IL1RAPL2: variants seen among roughly 807,000 people sequenced by gnomAD.
IL1RAPL2 encodes interleukin 1 receptor accessory protein like 2, also known as X-linked interleukin-1 receptor accessory protein-like 2.
IL1RAPL2 carries 3 observed loss-of-function variants against 44.1 expected under a neutral mutation model. That is an observed-to-expected ratio of 0.07 (90% CI 0.03 to 0.18). IL1RAPL2 has a LOEUF of 0.18. Ranked by LOEUF, IL1RAPL2 falls within the 10% of genes least tolerant of loss-of-function variation. The pLI, the probability that IL1RAPL2 is intolerant of heterozygous loss-of-function variation, is 1.00. For missense variants in IL1RAPL2, 391 were observed against 496.4 expected (o/e 0.79, Z 2.02); for synonymous variants, 181 against 178.8 (o/e 1.01, Z -0.10).
At chrX:105,275,429 C>T (rs915869976) in intron 5 of IL1RAPL2, among the ~76,000 whole-genome samples, 2 of 111,732 alleles carry the variant, frequency 1.8e-5, no homozygotes, top group African/African-American at 6.5e-5. Flanking sequence ...ACTTATTTGG[C>T]ATTTAGGTTA....
intron 2 of IL1RAPL2, among the ~76,000 whole-genome samples, chrX:105,177,532 G>A (rs1333939917): frequency 5.4e-5 from 6 of 111,077 alleles, no homozygotes; most frequent in Non-Finnish European, 9.4e-5. Context: ...AGTCTCTGGT[G>A]CCAAAAATTG....
intron 6 of IL1RAPL2, among the ~76,000 whole-genome samples, chrX:105,490,059 C>T (rs1480465522): frequency 9.0e-6 from 1 of 110,929 alleles, no homozygotes; most frequent in East Asian, 2.8e-4. Context: ...AACTCCTGAA[C>T]TCAGGTGATC....
At chrX:105,521,981 T>C (rs1398805653) in intron 6 of IL1RAPL2, among the ~76,000 whole-genome samples, 1 of 112,174 alleles carries the variant, frequency 8.9e-6, no homozygotes, top group Non-Finnish European at 1.9e-5. Flanking sequence ...CAATTCCATA[T>C]ATATTATTTT....
At chrX:105,162,937 G>T (rs2033339487) in intron 2 of IL1RAPL2, among the ~76,000 whole-genome samples, 1 of 111,343 alleles carries the variant, frequency 9.0e-6, no homozygotes, top group South Asian at 3.8e-4. Flanking sequence ...ATTCCATCAT[G>T]TTGGGAGTTA....
intron 2 of IL1RAPL2, among the ~76,000 whole-genome samples, chrX:105,109,619 A>G (rs779687852): frequency 1.8e-5 from 2 of 111,957 alleles, no homozygotes; most frequent in Non-Finnish European, 3.8e-5. Flanking sequence ...ATGAGAAGTG[A>G]CTGTCAACAG....
intron 2 of IL1RAPL2, among the ~76,000 whole-genome samples, chrX:105,160,782 G>T (rs1219133566): frequency 8.9e-6 from 1 of 111,925 alleles, no homozygotes; most frequent in Non-Finnish European, 1.9e-5. Context: ...CATTTTCTCT[G>T]CTTTTAAACT....
intron 2 of IL1RAPL2, among the ~76,000 whole-genome samples, chrX:104,793,797 G>C (rs1310103816): frequency 9.0e-6 from 1 of 111,648 alleles, no homozygotes; most frequent in Admixed American, 9.5e-5. Context: ...TGGAAACTCA[G>C]TGTCAGTAAC....
chrX:104,906,687 G>A (rs1225880933), intron 2 of IL1RAPL2, among the ~76,000 whole-genome samples: 1 of 111,717 alleles, frequency 9.0e-6, no homozygotes, highest in Non-Finnish European at 1.9e-5. Flanking sequence ...GCTTTTTGAT[G>A]TGCTGCTGGA....
chrX:104,933,112 A>G (rs866977807), intron 2 of IL1RAPL2, among the ~76,000 whole-genome samples: 78 of 112,209 alleles, frequency 7.0e-4, no homozygotes, highest in African/African-American at 2.5e-3. Context: ...AAGTACAATC[A>G]GCGAACCACT....
At chrX:105,066,538 AG>A (rs200114988) in intron 2 of IL1RAPL2, among the ~76,000 whole-genome samples, 7,672 of 110,681 alleles carry the variant, frequency 0.069, 686 homozygotes, top group African/African-American at 0.24. Flanking sequence ...TGTTTTTGAT[AG>A]GTGTCTCAGA....
At chrX:105,046,671 A>G (rs2031840992) in intron 2 of IL1RAPL2, among the ~76,000 whole-genome samples, 2 of 111,326 alleles carry the variant, frequency 1.8e-5, no homozygotes, top group African/African-American at 6.5e-5. Context: ...GAGGTTGGTG[A>G]CCATCAGCAT....
intron 2 of IL1RAPL2, among the ~76,000 whole-genome samples, chrX:105,178,684 G>A (rs75871460): frequency 0.03 from 3,318 of 111,265 alleles, 111 homozygotes; most frequent in African/African-American, 0.1. Context: ...GATGATAGCC[G>A]TCCTAATTAG....
intron 2 of IL1RAPL2, among the ~76,000 whole-genome samples, chrX:104,942,772 C>T (rs1368513193): frequency 9.0e-6 from 1 of 111,391 alleles, no homozygotes; most frequent in Non-Finnish European, 1.9e-5. Flanking sequence ...TGTCTTGTGG[C>T]AGTTTTCAAA....
At chrX:105,710,786 G>A in intron 6 of IL1RAPL2, among the ~76,000 whole-genome samples, 1 of 109,213 alleles carries the variant, frequency 9.2e-6, no homozygotes, top group East Asian at 2.9e-4. Flanking sequence ...GTTTGTTTGA[G>A]ATAATAATCT....
Position 105,334,112 on chromosome X carries a change from G to C in IL1RAPL2, c.697+66571G>C, listed in dbSNP as rs773980896. On this transcript the variant is annotated intron_variant, in intron 5 of 10. Transcript: ENST00000372582. ...CACTGTTCACAATACCTAAGAATTA[G>C]AAACAGTATCTATCAACAGATGAAT... Among the ~76,000 whole-genome samples, 61 of 112,081 alleles carry C rather than the reference G, an allele frequency of 5.4e-4. 1 individual carries two copies. The highest frequency in any genetic ancestry group is 2.1e-4 in the Non-Finnish European group (11 of 53,115).
intron 1 of IL1RAPL2, among the ~76,000 whole-genome samples, chrX:104,602,534 C>T (rs924474413): frequency 2.7e-5 from 3 of 111,691 alleles, no homozygotes; most frequent in Admixed American, 9.5e-5. Flanking sequence ...TGGTCTGACT[C>T]GGCGGGTCCC....
chrX:105,586,169 C>T (rs1295278431), intron 6 of IL1RAPL2, among the ~76,000 whole-genome samples: 1 of 111,215 alleles, frequency 9.0e-6, no homozygotes, highest in African/African-American at 3.3e-5. Context: ...AAGCAAACCA[C>T]CCCATTAAAA....
chrX:105,552,099 C>A (rs1212580929), intron 6 of IL1RAPL2, among the ~76,000 whole-genome samples: 1 of 104,780 alleles, frequency 9.5e-6, no homozygotes, highest in Non-Finnish European at 2.0e-5. Context: ...GAGCCAGACT[C>A]CATTTCAAAA....
chrX:104,828,030 C>CT lies in IL1RAPL2; in HGVS notation c.82+169041dup, dbSNP rs1296871047. Among the ~76,000 whole-genome samples, 3 of 111,517 alleles carry CT rather than the reference C, an allele frequency of 2.7e-5. 1 individual carries two copies. Among genetic ancestry groups the CT allele is most frequent in the African/African-American group, 9.8e-5 (3 of 30,631 alleles). On this transcript the variant is annotated intron_variant, in intron 2 of 10. Coordinates refer to ENST00000372582, the MANE Select transcript of IL1RAPL2 (RefSeq NM_017416.2). ...TATTCTAGTTAGCAATTCCTCTAAC[C>CT]TTTTTTCAAGGTTCTTAGCTTTCTT...
Sources: allele counts gnomAD v4.1 joint callset (sites outside exome capture counted in the v4.1 genomes callset), GRCh38; gene constraint gnomAD v4.1.1; transcripts MANE v1.5; gene names NCBI Gene and HGNC (gene_info 2026-07-23, HGNC 2026-07-21).